The following CDH23 variants were observed in gnomAD, a reference collection of about 807,000 sequenced individuals.
CDH23 encodes cadherin related 23, also known as cadherin-23.
A neutral mutation model predicts 317.1 loss-of-function variants in CDH23; 189 were observed. The ratio of observed to expected loss-of-function variants is 0.60; its 90% CI spans 0.53 to 0.67. The LOEUF is 0.67. Ranked by LOEUF, CDH23 falls within the 30% of genes least tolerant of loss-of-function variation. CDH23 has a pLI of 0.00. For missense variants in CDH23, 4,401 were observed against 4,592.4 expected (o/e 0.96, Z 1.20); for synonymous variants, 1,839 against 1,876.8 (o/e 0.98, Z 0.52).
At chr10:71,474,806 C>T (rs1175432453) in intron 3 of CDH23, among the ~76,000 whole-genome samples, 2 of 152,260 alleles carry the variant, frequency 1.3e-5, no homozygotes, top group African/African-American at 2.4e-5. Flanking sequence ...GAGCAGACAG[C>T]AGGTCAAGAG....
At chr10:71,738,689 G>C in intron 35 of CDH23, 42 bp downstream of exon 35, 3 of 1,599,886 alleles carry the variant, frequency 1.9e-6, no homozygotes, top group African/African-American at 1.3e-5. Flanking sequence ...CCATGTCAGC[G>C]GGGCTCCCAC....
chr10:71,495,580 C>T (rs1014469818), intron 3 of CDH23, among the ~76,000 whole-genome samples: 1 of 151,896 alleles, frequency 6.6e-6, no homozygotes, highest in Admixed American at 6.6e-5. Flanking sequence ...CGCCTGTAAT[C>T]CCAGCACTTT....
intron 12 of CDH23, 131 bp from the exon 13 acceptor site, chr10:71,645,700 C>T: frequency 9.9e-7 from 1 of 1,010,884 alleles, no homozygotes; most frequent in Non-Finnish European, 1.6e-6. Context: ...TGCTCTGTCC[C>T]AGCGCCTCAT....
chr10:71,815,488 T>C lies in CDH23; in HGVS notation c.*210T>C. ...ATCTGACCTCTACCTTCATAAGATCTGTTATTTTTATAAGAAAACCAAACA... is the reference window on the plus strand; with the variant it reads ...ATCTGACCTCTACCTTCATAAGATCCGTTATTTTTATAAGAAAACCAAACA... On this transcript the variant is annotated 3_prime_UTR_variant, in exon 70 of 70. Coordinates refer to ENST00000224721, the MANE Select transcript of CDH23 (RefSeq NM_022124.6). 1 of 463,166 alleles carries C rather than the reference T, an allele frequency of 2.2e-6. No individual in the cohort carries two copies. Among genetic ancestry groups the C allele is most frequent in the Non-Finnish European group, 3.8e-6 (1 of 263,574 alleles). The allele number at this position is 463,166 out of a possible 1,614,324, so 28.7% of individuals were successfully genotyped here.
At chr10:71,440,038 C>T (rs1188270363) in intron 2 of CDH23, 140 bp downstream of exon 2, 9 of 681,492 alleles carry the variant, frequency 1.3e-5, no homozygotes, top group Non-Finnish European at 7.7e-6. Flanking sequence ...GAGGCACATA[C>T]TTCCCTCTCT....
intron 3 of CDH23, among the ~76,000 whole-genome samples, chr10:71,497,389 G>A (rs1853033648): frequency 6.6e-6 from 1 of 152,128 alleles, no homozygotes; most frequent in Non-Finnish European, 1.5e-5. Context: ...CCTGAGACAA[G>A]ACTTCAACCC....
At chr10:71,511,420 G>A (rs570604009) in intron 6 of CDH23, among the ~76,000 whole-genome samples, 11 of 152,290 alleles carry the variant, frequency 7.2e-5, no homozygotes, top group South Asian at 6.2e-4. Context: ...CAGTTGGGCC[G>A]GTAGGTTGGG....
intron 1 of CDH23, among the ~76,000 whole-genome samples, chr10:71,407,609 C>T (rs1025169201): frequency 9.2e-5 from 14 of 152,314 alleles, no homozygotes; most frequent in Middle Eastern, 6.8e-3. Flanking sequence ...CACCTTTCCC[C>T]GCCATTGGCC....
chr10:71,747,211 A>G (rs1286505728), intron 38 of CDH23, among the ~76,000 whole-genome samples: 1 of 152,154 alleles, frequency 6.6e-6, no homozygotes, highest in African/African-American at 2.4e-5. Flanking sequence ...TCCCTTCCCC[A>G]TCCCCTAATG....
rs536132310 is a variant in CDH23 at position 71,581,540 on chromosome 10, C to T, written c.832+3548C>T. ...AGCTGTGGGGATTTATGTCTGCACA[C>T]CAGTGCTTTCCCCATTACTAATGAC... is the stretch of plus-strand genomic sequence containing the variant. On this transcript the variant is annotated intron_variant, in intron 9 of 69. Transcript: ENST00000224721. Among the ~76,000 whole-genome samples the T allele has an allele frequency of 9.8e-5, 15 of 152,380 alleles. No individual in the cohort carries two copies. In the East Asian group the frequency reaches 2.5e-3, roughly 25 times the overall value.
At chr10:71,631,806 A>T (rs1209514019) in intron 11 of CDH23, among the ~76,000 whole-genome samples, 1 of 152,230 alleles carries the variant, frequency 6.6e-6, no homozygotes, top group Non-Finnish European at 1.5e-5. Context: ...TCCTACAGGG[A>T]CAGACTGTGC....
chr10:71,711,572 T>G (rs1865971982), intron 27 of CDH23: 1 of 152,184 alleles, frequency 6.6e-6, no homozygotes, highest in African/African-American at 2.4e-5. Flanking sequence ...GGGAGGGTCC[T>G]GTGGGAACTG....
chr10:71,634,195 G>A (rs1209608386), intron 11 of CDH23, among the ~76,000 whole-genome samples: 5 of 152,240 alleles, frequency 3.3e-5, no homozygotes, highest in Non-Finnish European at 7.3e-5. Flanking sequence ...AGGCTGGTGA[G>A]GCCAGCGAGT....
Position 71,646,590 on chromosome 10 carries a change from C to CGT in CDH23, c.1424_1425dup (p.Gly476TrpfsTer6). 1 of 1,614,004 alleles carries CGT rather than the reference C, an allele frequency of 6.2e-7. No individual in the cohort carries two copies. Reference sequence around the variant, plus strand: ...ACATCAGCCTGTACGAGAACGTCACCGTGGGGACCTCTGTGCTGACAGTCC... The same window carrying CGT: ...ACATCAGCCTGTACGAGAACGTCACCGTGTGGGGACCTCTGTGCTGACAGTCC... On this transcript the variant is annotated frameshift_variant, in exon 14 of 70. Transcript: ENST00000224721. LOFTEE classifies it high-confidence loss of function.
chr10:71,471,025 T>C (rs1851480136), intron 3 of CDH23, among the ~76,000 whole-genome samples: 2 of 152,242 alleles, frequency 1.3e-5, no homozygotes, highest in African/African-American at 2.4e-5. Flanking sequence ...GATAAAGGAC[T>C]CATATATCTG....
rs1840727837 is a variant in CDH23 at position 71,773,238 on chromosome 10, G to C, written c.4846-4442G>C. 3 of 1,168,338 alleles carry C rather than the reference G, an allele frequency of 2.6e-6. No homozygotes were observed. The African/African-American group carries it at 4.8e-5, about 19-fold the overall frequency. The allele number at this position is 1,168,338 out of a possible 1,614,324, so 72.4% of individuals were successfully genotyped here. A position where few individuals can be genotyped will look rare whatever the true frequency, so the allele number is the denominator to read the frequency against. On this transcript the variant is annotated intron_variant, in intron 38 of 69. Transcript: ENST00000224721. Reference sequence around the variant, plus strand: ...CAGCAGCCTCTGGGCGGTGGGTGGAGTGGGGTGCACGGTCACACAGGCTGA... The same window carrying C: ...CAGCAGCCTCTGGGCGGTGGGTGGACTGGGGTGCACGGTCACACAGGCTGA...
intron 28 of CDH23, chr10:71,714,539 G>T (rs1027856648): frequency 1.3e-5 from 2 of 152,250 alleles, no homozygotes; most frequent in Non-Finnish European, 2.9e-5. Flanking sequence ...CACAGAGTGG[G>T]TGTGTGTGAA....
At chr10:71,445,929 A>G (rs1002550503) in intron 2 of CDH23, among the ~76,000 whole-genome samples, 4 of 152,194 alleles carry the variant, frequency 2.6e-5, no homozygotes, top group Admixed American at 6.5e-5. Flanking sequence ...ACTTGATCCA[A>G]TATATCCAAA....
At chr10:71,656,292 C>T (rs149302455) in intron 14 of CDH23, among the ~76,000 whole-genome samples, 8 of 152,320 alleles carry the variant, frequency 5.3e-5, no homozygotes, top group African/African-American at 1.9e-4. Flanking sequence ...CGGGAGCTGA[C>T]CCTGCTTCCC....
Sources: gnomAD v4.1 joint callset for allele counts (sites outside exome capture counted in the v4.1 genomes callset) on GRCh38, gnomAD v4.1.1 for gene constraint, MANE v1.5 for transcripts, NCBI Gene and HGNC (gene_info 2026-07-23, HGNC 2026-07-21) for gene names.